The following KIF26B variants were observed in gnomAD, a reference collection of about 807,000 sequenced individuals.
KIF26B encodes kinesin family member 26B.
A neutral mutation model predicts 151.2 loss-of-function variants in KIF26B; 63 were observed. The observed-to-expected ratio is 0.42, with a 90% CI of 0.34 to 0.51. The LOEUF (loss-of-function observed/expected upper bound fraction) is 0.51, where lower values mean the gene tolerates loss of function less well. KIF26B is among the 20% of genes least tolerant of loss of function. KIF26B has a pLI of 0.07. For missense variants in KIF26B, 2,813 were observed against 2,913.6 expected, an observed-to-expected ratio of 0.97 and a Z score of 0.79; for synonymous variants, 1,357 against 1,262.1, an observed-to-expected ratio of 1.08 and a Z score of -1.59.
intron 4 of KIF26B, among the ~76,000 whole-genome samples, chr1:245,452,166 A>G (rs1650523062): frequency 6.6e-6 from 1 of 152,152 alleles, no homozygotes; most frequent in South Asian, 2.1e-4. Flanking sequence ...CCTACTCATA[A>G]AAGTGGAATC....
At chr1:245,186,209 G>A (rs1435423477) in intron 2 of KIF26B, among the ~76,000 whole-genome samples, 1 of 151,486 alleles carries the variant, frequency 6.6e-6, no homozygotes, top group Admixed American at 6.6e-5. Flanking sequence ...TCCCACGTGC[G>A]CTAATTTTCC....
At chr1:245,650,440 C>A (rs542440736) in intron 10 of KIF26B, among the ~76,000 whole-genome samples, 1 of 152,364 alleles carries the variant, frequency 6.6e-6, no homozygotes, top group African/African-American at 2.4e-5. Flanking sequence ...TCAGGGTGAA[C>A]TGAGCTTCGG....
chr1:245,372,521 C>G (rs1220669798), intron 3 of KIF26B, among the ~76,000 whole-genome samples: 1 of 152,134 alleles, frequency 6.6e-6, no homozygotes, highest in East Asian at 1.9e-4. Flanking sequence ...CCTCCTCCCA[C>G]CCTCCACCCC....
At chr1:245,174,153 G>A (rs982090307) in intron 2 of KIF26B, among the ~76,000 whole-genome samples, 3 of 152,188 alleles carry the variant, frequency 2.0e-5, no homozygotes, top group Non-Finnish European at 1.5e-5. Context: ...ATGCTCAATG[G>A]CAGCATAACT....
intron 5 of KIF26B, among the ~76,000 whole-genome samples, chr1:245,546,389 G>C (rs1715805): frequency 0.29 from 43,558 of 151,912 alleles, 6,515 homozygotes; most frequent in Non-Finnish European, 0.31. Context: ...TATTCACTCA[G>C]TCAACAAGTA....
At chr1:245,469,103 C>G (rs940019495) in intron 4 of KIF26B, among the ~76,000 whole-genome samples, 1 of 152,246 alleles carries the variant, frequency 6.6e-6, no homozygotes, top group African/African-American at 2.4e-5. Flanking sequence ...TGGCCTCTGG[C>G]TGCAACGTAA....
In KIF26B at chr1:245,244,756, T is replaced by TCTCACACA. The variant is rs138815719; in HGVS notation, c.465+88074_465+88075insTCACACAC. 2.1e-5 allele frequency among the ~76,000 whole-genome samples: 3 copies of TCTCACACA among 144,354 alleles called. No homozygotes were observed. Among genetic ancestry groups the TCTCACACA allele is most frequent in the African/African-American group, 7.7e-5 (3 of 39,114 alleles). The allele number at this position is 144,354 out of a possible 152,430, so 94.7% of individuals were successfully genotyped here. On this transcript the variant is annotated intron_variant, in intron 2 of 14. Coordinates refer to ENST00000407071, the MANE Select transcript of KIF26B (RefSeq NM_018012.4). This position sits in a 1 kb window ranked among gnomAD's most constrained non-coding sequence, Gnocchi z 4.2. ...AGAAGGAACACACAGACACGCACAC[T>TCTCACACA]CACACACACACACACACACACACAC...
chr1:245,179,861 T>C (rs1355715813), intron 2 of KIF26B, among the ~76,000 whole-genome samples: 1 of 152,160 alleles, frequency 6.6e-6, no homozygotes, highest in African/African-American at 2.4e-5. Context: ...CAGGATGTTC[T>C]GGAGAGCTGC....
chr1:245,274,285 T>A (rs1280943716), intron 2 of KIF26B, among the ~76,000 whole-genome samples: 5 of 152,120 alleles, frequency 3.3e-5, no homozygotes, highest in Non-Finnish European at 7.4e-5. Context: ...GCAGGTTTGT[T>A]TCATAGGTAT....
At chr1:245,482,389 A>C (rs1478456886) in intron 4 of KIF26B, among the ~76,000 whole-genome samples, 1 of 151,874 alleles carries the variant, frequency 6.6e-6, no homozygotes, top group Non-Finnish European at 1.5e-5. Flanking sequence ...TGCCTGGTCA[A>C]GACACTGATT....
intron 2 of KIF26B, among the ~76,000 whole-genome samples, chr1:245,180,754 G>A (rs1431320382): frequency 1.3e-5 from 2 of 152,170 alleles, no homozygotes; most frequent in Admixed American, 6.6e-5. Flanking sequence ...GAAGGAAGCC[G>A]AGCTACAGAG....
intron 4 of KIF26B, among the ~76,000 whole-genome samples, chr1:245,487,266 T>C (rs1660303333): frequency 1.3e-5 from 2 of 152,204 alleles, no homozygotes; most frequent in Non-Finnish European, 2.9e-5. Context: ...TGGTGGCCCA[T>C]ATGTATCTAA....
chr1:245,261,095 CTTCCTTCCTTCCTTCCTCCG>C (rs1290144882), intron 2 of KIF26B, among the ~76,000 whole-genome samples: 1 of 145,324 alleles, frequency 6.9e-6, no homozygotes. Flanking sequence ...TCCCTGCTTC[CTTCCTTCCTTCCTTCCTCCG>C]TTCCTTCCTT....
At position 245,218,060 on chromosome 1, in the gene KIF26B, C is replaced by A. The variant is rs1019602435; in HGVS notation, c.465+61377C>A. 6.6e-6 allele frequency among the ~76,000 whole-genome samples: 1 copy of A among 152,144 alleles called. No homozygotes were observed. Among genetic ancestry groups the A allele is most frequent in the South Asian group, 2.1e-4 (1 of 4,822 alleles). On this transcript the variant is annotated intron_variant, in intron 2 of 14. Transcript: ENST00000407071. This position sits in a 1 kb window ranked among gnomAD's most constrained non-coding sequence, Gnocchi z 4.1. ...CAGTATTTGGCCATTTTTCTTTATC[C>A]TTTTTGCCTGGTGACTCTGAAGAGA...
intron 5 of KIF26B, among the ~76,000 whole-genome samples, chr1:245,568,580 A>C (rs1034933261): frequency 1.3e-5 from 2 of 152,234 alleles, no homozygotes; most frequent in Non-Finnish European, 2.9e-5. Context: ...CCTTTGCTAT[A>C]TGCAAAGGCA....
At chr1:245,633,497 C>G (rs2043803418) in intron 9 of KIF26B, among the ~76,000 whole-genome samples, 1 of 151,424 alleles carries the variant, frequency 6.6e-6, no homozygotes, top group South Asian at 2.1e-4. Flanking sequence ...TGTTTGACTC[C>G]TTTCTCTTTC....
At chr1:245,499,078 T>A (rs1487906937) in intron 4 of KIF26B, among the ~76,000 whole-genome samples, 1 of 152,138 alleles carries the variant, frequency 6.6e-6, no homozygotes, top group African/African-American at 2.4e-5. Context: ...TTTTTTAAAA[T>A]CAGTTTTTAT....
intron 4 of KIF26B, among the ~76,000 whole-genome samples, chr1:245,511,350 A>G (rs898927802): frequency 7.9e-5 from 12 of 152,206 alleles, no homozygotes; most frequent in Admixed American, 3.9e-4. Context: ...AACTACCGAC[A>G]TAGAAGCTAC....
At chr1:245,347,495 A>AT (rs1246521608) in intron 2 of KIF26B, among the ~76,000 whole-genome samples, 1 of 151,620 alleles carries the variant, frequency 6.6e-6, no homozygotes, top group African/African-American at 2.4e-5. Context: ...TAATTTTTAA[A>AT]TTTTTTTTGA....
Sources: gnomAD v4.1 joint callset for allele counts (sites outside exome capture counted in the v4.1 genomes callset) on GRCh38, gnomAD v4.1.1 for gene constraint, Gnocchi (gnomAD v3.1) non-coding constraint, MANE v1.5 for transcripts, NCBI Gene and HGNC (gene_info 2026-07-23, HGNC 2026-07-21) for gene names.